The following IMMP2L variants were observed in gnomAD, a reference collection of about 807,000 sequenced individuals.
IMMP2L encodes mitochondrial inner membrane protease subunit 2.
A neutral mutation model predicts 19.3 loss-of-function variants in IMMP2L; 18 were observed. The ratio of observed to expected loss-of-function variants is 0.93; its 90% CI spans 0.64 to 1.38. The LOEUF is 1.38. IMMP2L is among the 40% of genes most tolerant of loss of function. The pLI, the probability that IMMP2L is intolerant of heterozygous loss-of-function variation, is 0.00. For synonymous variants in IMMP2L, 76 were observed against 73.0 expected (o/e 1.04, Z -0.21); for missense variants, 233 against 218.2 (o/e 1.07, Z -0.43).
At chr7:111,495,801 C>T (rs1484577414) in intron 2 of IMMP2L, among the ~76,000 whole-genome samples, 2 of 152,054 alleles carry the variant, frequency 1.3e-5, no homozygotes, top group Admixed American at 1.3e-4. Flanking sequence ...TAAAGAAAGC[C>T]TGGTTTTGAC....
intron 5 of IMMP2L, among the ~76,000 whole-genome samples, chr7:110,782,819 T>C (rs1250562820): frequency 2.0e-5 from 3 of 151,846 alleles, no homozygotes; most frequent in Non-Finnish European, 4.4e-5. Flanking sequence ...AGTATGGGCA[T>C]AGGAGCATAG....
intron 3 of IMMP2L, among the ~76,000 whole-genome samples, chr7:111,178,008 C>A (rs752271586): frequency 6.6e-6 from 1 of 151,946 alleles, no homozygotes; most frequent in Non-Finnish European, 1.5e-5. Context: ...CTCAAATATG[C>A]TAATTACTTT....
intron 5 of IMMP2L, among the ~76,000 whole-genome samples, chr7:110,826,454 T>G (rs1803496469): frequency 6.6e-6 from 1 of 152,110 alleles, no homozygotes; most frequent in South Asian, 2.1e-4. Context: ...CCATCAATGA[T>G]AGACTGGATT....
At chr7:111,431,524 G>GT (rs1836633037) in intron 3 of IMMP2L, among the ~76,000 whole-genome samples, 1 of 151,770 alleles carries the variant, frequency 6.6e-6, no homozygotes, top group African/African-American at 2.4e-5. Flanking sequence ...GATCACACAG[G>GT]TTTTTTCCAG....
intron 5 of IMMP2L, among the ~76,000 whole-genome samples, chr7:110,685,553 AG>A (rs1793053350): frequency 1.3e-5 from 2 of 152,128 alleles, no homozygotes; most frequent in Admixed American, 1.3e-4. Flanking sequence ...GTGCTGAACT[AG>A]GAGTTATGCC....
chr7:111,091,234 G>A (rs1307219896), intron 3 of IMMP2L: 1 of 152,218 alleles, frequency 6.6e-6, no homozygotes, highest in Non-Finnish European at 1.5e-5. Flanking sequence ...GAGAGCCTCA[G>A]CCTGCCGACT....
At chr7:111,430,629 T>C (rs1456620454) in intron 3 of IMMP2L, among the ~76,000 whole-genome samples, 1 of 151,748 alleles carries the variant, frequency 6.6e-6, no homozygotes, top group Admixed American at 6.6e-5. Flanking sequence ...CTTAGAAAAG[T>C]GGTGTGATAA....
chr7:111,022,174 G>C (rs1412104663), intron 3 of IMMP2L, among the ~76,000 whole-genome samples: 1 of 152,164 alleles, frequency 6.6e-6, no homozygotes, highest in Admixed American at 6.5e-5. Context: ...TCTGAAGCCA[G>C]AGCCATTTTC....
chr7:111,150,068 C>T (rs1479080562), intron 3 of IMMP2L, among the ~76,000 whole-genome samples: 1 of 152,036 alleles, frequency 6.6e-6, no homozygotes, highest in Non-Finnish European at 1.5e-5. Flanking sequence ...TTTGTCATGT[C>T]TGCCTTTATT....
intron 3 of IMMP2L, among the ~76,000 whole-genome samples, chr7:111,474,568 T>C (rs1841558468): frequency 6.6e-6 from 1 of 152,074 alleles, no homozygotes; most frequent in African/African-American, 2.4e-5. Flanking sequence ...TTTCTTCCTT[T>C]TTGTTAAACT....
chr7:111,381,179 G>A (rs1302749405), intron 3 of IMMP2L, among the ~76,000 whole-genome samples: 1 of 151,956 alleles, frequency 6.6e-6, no homozygotes, highest in Non-Finnish European at 1.5e-5. Context: ...GGTCAGAGAG[G>A]GAAGTAGAGA....
intron 5 of IMMP2L, among the ~76,000 whole-genome samples, chr7:110,714,964 C>G (rs1444236983): frequency 6.6e-6 from 1 of 152,026 alleles, no homozygotes; most frequent in Non-Finnish European, 1.5e-5. Context: ...TTGGTCTGTT[C>G]AGGGTTTCAA....
intron 5 of IMMP2L, among the ~76,000 whole-genome samples, chr7:110,772,924 G>A (rs984893470): frequency 2.0e-5 from 3 of 152,020 alleles, no homozygotes; most frequent in African/African-American, 4.8e-5. Flanking sequence ...AGTTTCGAAC[G>A]AGAAGTACTA....
At chr7:110,925,694 C>G (rs1814771597) in intron 4 of IMMP2L, among the ~76,000 whole-genome samples, 1 of 152,054 alleles carries the variant, frequency 6.6e-6, no homozygotes, top group Non-Finnish European at 1.5e-5. Context: ...ATTTCACAGT[C>G]TGTGTCCTAT....
chr7:110,668,817 G>A (rs1791640461), intron 5 of IMMP2L, among the ~76,000 whole-genome samples: 1 of 147,854 alleles, frequency 6.8e-6, no homozygotes, highest in Non-Finnish European at 1.5e-5. Context: ...GAGAGAGAGT[G>A]TCTGTTCATC....
intron 5 of IMMP2L, among the ~76,000 whole-genome samples, chr7:110,876,956 T>A (rs1375012616): frequency 2.6e-5 from 4 of 152,146 alleles, no homozygotes; most frequent in African/African-American, 9.7e-5. Flanking sequence ...TCTAAAGTTA[T>A]CTATTACTAA....
At chr7:111,305,917 G>A (rs1033105569) in intron 3 of IMMP2L, among the ~76,000 whole-genome samples, 3 of 152,098 alleles carry the variant, frequency 2.0e-5, no homozygotes, top group African/African-American at 4.8e-5. Context: ...GAAAAGTGGT[G>A]GAGGCCAGAA....
intron 3 of IMMP2L, among the ~76,000 whole-genome samples, chr7:111,407,015 T>G (rs973423309): frequency 6.6e-6 from 1 of 152,020 alleles, no homozygotes; most frequent in Non-Finnish European, 1.5e-5. Context: ...ATAATGAAAT[T>G]CCCAGTATCC....
At chr7:111,074,962 T>C (rs1216296631) in intron 3 of IMMP2L, among the ~76,000 whole-genome samples, 12 of 151,980 alleles carry the variant, frequency 7.9e-5, no homozygotes, top group Admixed American at 6.6e-4. Context: ...TTCAACACAA[T>C]GACAGAGATC....
Sources: gnomAD v4.1 joint callset for allele counts (sites outside exome capture counted in the v4.1 genomes callset) on GRCh38, gnomAD v4.1.1 for gene constraint, MANE v1.5 for transcripts, NCBI Gene and HGNC (gene_info 2026-07-23, HGNC 2026-07-21) for gene names.